Variants in ASIC2 observed in about 807,000 individuals in gnomAD.
ASIC2 encodes acid sensing ion channel subunit 2, also known as acid-sensing ion channel 2.
A neutral mutation model predicts 57.3 loss-of-function variants in ASIC2; 25 were observed. The observed-to-expected ratio is 0.44, with a 90% confidence interval of 0.32 to 0.61. The LOEUF (loss-of-function observed/expected upper bound fraction) is 0.61. ASIC2 is among the 20% of genes least tolerant of loss of function. ASIC2 has a pLI of 0.06. For missense variants in ASIC2, 641 were observed against 738.1 expected (o/e 0.87, Z 1.52); for synonymous variants, 319 against 307.5 (o/e 1.04, Z -0.39).
chr17:34,091,303 A>G (rs1444530490), intron 1 of ASIC2, among the ~76,000 whole-genome samples: 1 of 152,254 alleles, frequency 6.6e-6, no homozygotes, highest in African/African-American at 2.4e-5. Flanking sequence ...AACCACATCC[A>G]GGAGGGAGCA....
In ASIC2 at chr17:33,126,727, C is replaced by T. The variant is rs146704346; in HGVS notation, c.709-14660G>A. ...CTTGAACCGGGGAGATGGAGGTTGCCGTGAGCCAAGATTGCACCACTGCAC... is the reference window on the plus strand; with the variant it reads ...CTTGAACCGGGGAGATGGAGGTTGCTGTGAGCCAAGATTGCACCACTGCAC... On this transcript the variant is annotated intron_variant, in intron 1 of 9. Transcript: ENST00000225823. Among the ~76,000 whole-genome samples, 1,217 of 152,036 alleles carry T rather than the reference C, an allele frequency of 8.0e-3. 5 individuals carry two copies. The highest frequency in any genetic ancestry group is 0.015 in the Admixed American group (227 of 15,276).
chr17:33,335,755 C>T (rs946493378), intron 1 of ASIC2, among the ~76,000 whole-genome samples: 4 of 152,100 alleles, frequency 2.6e-5, no homozygotes, highest in Non-Finnish European at 4.4e-5. Flanking sequence ...TGAGGATGTC[C>T]GAGGTCAGAA....
At chr17:33,832,605 A>G (rs1053296156) in intron 1 of ASIC2, among the ~76,000 whole-genome samples, 1 of 152,230 alleles carries the variant, frequency 6.6e-6, no homozygotes, top group Admixed American at 6.5e-5. Flanking sequence ...AGACTGCTGC[A>G]AAGCTCCAAA....
chr17:33,497,290 C>T (rs1170989134), intron 1 of ASIC2, among the ~76,000 whole-genome samples: 1 of 152,260 alleles, frequency 6.6e-6, no homozygotes, highest in African/African-American at 2.4e-5. Context: ...GCCCTTACCT[C>T]CCTGGGCCCC....
chr17:33,515,922 C>T (rs2141951933), intron 1 of ASIC2, among the ~76,000 whole-genome samples: 1 of 152,110 alleles, frequency 6.6e-6, no homozygotes, highest in Non-Finnish European at 1.5e-5. Flanking sequence ...ATGGCAAAAC[C>T]CGGTCTCTAA....
intron 7 of ASIC2, among the ~76,000 whole-genome samples, chr17:33,018,367 C>T (rs1052795963): frequency 2.0e-5 from 3 of 152,172 alleles, no homozygotes; most frequent in Admixed American, 6.5e-5. Context: ...AGAGCCTCTG[C>T]GGTTGGGGTC....
At chr17:33,145,605 C>T (rs1452012369) in intron 1 of ASIC2, among the ~76,000 whole-genome samples, 1 of 152,174 alleles carries the variant, frequency 6.6e-6, no homozygotes, top group Admixed American at 6.5e-5. Context: ...TTTCAAATTC[C>T]TTACCTATTT....
At chr17:33,833,592 A>G (rs17783478) in intron 1 of ASIC2, among the ~76,000 whole-genome samples, 31,597 of 151,830 alleles carry the variant, frequency 0.21, 3,734 homozygotes, top group Middle Eastern at 0.36. Context: ...AGCAGAAGGA[A>G]TTGTGTATCC....
intron 1 of ASIC2, among the ~76,000 whole-genome samples, chr17:33,701,782 G>T (rs1412438367): frequency 6.6e-6 from 1 of 152,178 alleles, no homozygotes; most frequent in Non-Finnish European, 1.5e-5. Context: ...GAAAGCCTTC[G>T]GATTAAGATG....
intron 1 of ASIC2, among the ~76,000 whole-genome samples, chr17:33,541,830 A>G (rs1173636518): frequency 1.3e-5 from 2 of 152,116 alleles, no homozygotes; most frequent in East Asian, 1.9e-4. Flanking sequence ...GCTTCCATGC[A>G]TCCTTCACCT....
At chr17:33,387,245 C>T (rs1909719647) in intron 1 of ASIC2, among the ~76,000 whole-genome samples, 1 of 152,194 alleles carries the variant, frequency 6.6e-6, no homozygotes, top group African/African-American at 2.4e-5. Flanking sequence ...AAGTACTCTT[C>T]TATCTCCATT....
rs976743102 is a variant in ASIC2 at position 33,391,692 on chromosome 17, C to T, written c.556-279625G>A. The stretch of plus-strand genomic sequence containing the variant: ...ACTCAATTCCCCCAATATCTAAGTG[C>T]CTGTTGGGCGTGTTCACTGACATGT... On this transcript the variant is annotated intron_variant, in intron 1 of 9. Transcript: ENST00000359872. Among the ~76,000 whole-genome samples, 11 of 152,264 alleles carry T rather than the reference C, an allele frequency of 7.2e-5. No homozygotes were observed. In the East Asian group the frequency reaches 9.7e-4, roughly 13 times the overall value.
chr17:33,973,433 C>A (rs1905278699), intron 1 of ASIC2, among the ~76,000 whole-genome samples: 1 of 152,154 alleles, frequency 6.6e-6, no homozygotes, highest in African/African-American at 2.4e-5. Flanking sequence ...GGCAGAATGG[C>A]CAAACCATGC....
At chr17:33,145,173 C>T (rs1462708347) in intron 1 of ASIC2, among the ~76,000 whole-genome samples, 1 of 152,200 alleles carries the variant, frequency 6.6e-6, no homozygotes, top group African/African-American at 2.4e-5. Flanking sequence ...TTTCTGGTTC[C>T]CTCTTCCCAG....
chr17:33,504,480 G>A (rs1392140817), intron 1 of ASIC2, among the ~76,000 whole-genome samples: 2 of 152,002 alleles, frequency 1.3e-5, no homozygotes, highest in African/African-American at 4.8e-5. Context: ...CTGGGATTAC[G>A]GGTGCGCCAC....
At chr17:33,695,917 T>A (rs540713636) in intron 1 of ASIC2, among the ~76,000 whole-genome samples, 2 of 152,384 alleles carry the variant, frequency 1.3e-5, no homozygotes, top group South Asian at 4.1e-4. Context: ...TTCATTTAAA[T>A]GTTATCATAA....
intron 1 of ASIC2, among the ~76,000 whole-genome samples, chr17:33,411,014 T>A (rs956254014): frequency 1.3e-5 from 2 of 152,146 alleles, no homozygotes; most frequent in Non-Finnish European, 2.9e-5. Flanking sequence ...AATAAATGAA[T>A]GAAGGATAAG....
chr17:33,878,556 A>G (rs896107242), intron 1 of ASIC2, among the ~76,000 whole-genome samples: 1 of 152,224 alleles, frequency 6.6e-6, no homozygotes, highest in Non-Finnish European at 1.5e-5. Context: ...AAGTTTAGAG[A>G]AAAAAGAATA....
chr17:33,119,616 T>C (rs1215552326), intron 1 of ASIC2, among the ~76,000 whole-genome samples: 2 of 152,212 alleles, frequency 1.3e-5, no homozygotes, highest in Non-Finnish European at 2.9e-5. Flanking sequence ...AAAGACTGGA[T>C]CTTATTAAAA....
Sources: gnomAD v4.1 joint callset for allele counts (sites outside exome capture counted in the v4.1 genomes callset) on GRCh38, gnomAD v4.1.1 for gene constraint, MANE v1.5 for transcripts, NCBI Gene and HGNC (gene_info 2026-07-23, HGNC 2026-07-21) for gene names.